The following FAM177A1 variants were observed in gnomAD, a reference collection of about 807,000 sequenced individuals.
FAM177A1 encodes family with sequence similarity 177 member A1.
A neutral mutation model predicts 26.1 loss-of-function variants in FAM177A1; 22 were observed. The observed-to-expected ratio is 0.84, with a 90% CI of 0.60 to 1.20. The LOEUF is 1.20. FAM177A1 is among the 50% of genes most tolerant of loss of function. The pLI, the probability that FAM177A1 is intolerant of heterozygous loss-of-function variation, is 0.00. For missense variants in FAM177A1, 296 were observed against 291.1 expected (o/e 1.02, Z -0.12); for synonymous variants, 95 against 99.3 (o/e 0.96, Z 0.26).
chr14:35,065,191 A>C (rs2045222442), intron 2 of FAM177A1, among the ~76,000 whole-genome samples: 1 of 146,588 alleles, frequency 6.8e-6, no homozygotes, highest in Non-Finnish European at 1.5e-5. Flanking sequence ...TTTTTTTTTG[A>C]GACGGAGTCT....
chr14:35,082,134 T>A lies in FAM177A1; in HGVS notation c.*906T>A, dbSNP rs940323536. ...TAGCAACAGTGAAGACTGGACAGTT[T>A]ACTTGAATCTGGTTGGCCACTCCTC... On this transcript the variant is annotated 3_prime_UTR_variant, in exon 5 of 5. Coordinates refer to ENST00000280987, the MANE Select transcript of FAM177A1 (RefSeq NM_173607.5). 3 of 152,200 alleles carry A rather than the reference T, an allele frequency of 2.0e-5. No individual in the cohort carries two copies. The highest frequency in any genetic ancestry group is 7.2e-5 in the African/African-American group (3 of 41,446). 9.4% of individuals were successfully genotyped at this position (152,200 alleles called of 1,614,324 possible). A position where few individuals can be genotyped will look rare whatever the true frequency, so the allele number is the denominator to read the frequency against.
intron 2 of FAM177A1, among the ~76,000 whole-genome samples, chr14:35,065,295 A>G (rs1160947502): frequency 6.7e-6 from 1 of 149,888 alleles, no homozygotes; most frequent in African/African-American, 2.5e-5. Context: ...AATAGAATAC[A>G]TTATGGTTTA....
chr14:35,051,150 C>T (rs954849969), intron 1 of FAM177A1, among the ~76,000 whole-genome samples: 14 of 152,092 alleles, frequency 9.2e-5, no homozygotes, highest in South Asian at 8.3e-4. Context: ...GATGGAGTCT[C>T]GCTGTGTGAC....
chr14:35,049,637 T>C (rs985492762), intron 1 of FAM177A1, among the ~76,000 whole-genome samples: 3 of 152,046 alleles, frequency 2.0e-5, no homozygotes, highest in Admixed American at 6.6e-5. Flanking sequence ...ATAGAAAAAT[T>C]AGCTGGGCAT....
chr14:35,055,258 G>A (rs1436480907), intron 2 of FAM177A1, among the ~76,000 whole-genome samples: 4 of 144,666 alleles, frequency 2.8e-5, no homozygotes, highest in East Asian at 4.0e-4. Context: ...AGCCGAGATC[G>A]TGCCATTGTA....
Position 35,046,356 on chromosome 14 carries a change from T to TC in FAM177A1, c.-104dup. On this transcript the variant is annotated 5_prime_UTR_variant, in exon 1 of 5. Transcript: ENST00000280987. ...TGGCCCCGCCCCTCAGGCCGGCGAG[T>TC]CCCCTTCTCAGAGACTTGGCTAGGC... 7.8e-7 allele frequency: 1 copy of TC among 1,283,718 alleles called. No individual in the cohort carries two copies. Among genetic ancestry groups the TC allele is most frequent in the Non-Finnish European group, 1.0e-6 (1 of 980,232 alleles). The allele number at this position is 1,283,718 out of a possible 1,614,324, so 79.5% of individuals were successfully genotyped here.
At chr14:35,052,176 T>C (rs1167630472) in intron 1 of FAM177A1, among the ~76,000 whole-genome samples, 1 of 152,184 alleles carries the variant, frequency 6.6e-6, no homozygotes, top group Non-Finnish European at 1.5e-5. Context: ...TAACCACTGT[T>C]GCCAGATTTT....
intron 3 of FAM177A1, among the ~76,000 whole-genome samples, chr14:35,077,591 G>A (rs8010838): frequency 2.0e-5 from 3 of 147,234 alleles, no homozygotes; most frequent in Non-Finnish European, 4.5e-5. Context: ...CACGCCATTC[G>A]CCTGCCTCAG....
At chr14:35,072,416 G>C (rs2045336562) in intron 2 of FAM177A1, among the ~76,000 whole-genome samples, 2 of 152,212 alleles carry the variant, frequency 1.3e-5, no homozygotes, top group African/African-American at 4.8e-5. Context: ...TGAGGAGGAA[G>C]AGGAGGGGTT....
intron 3 of FAM177A1, 107 bp from the exon 4 acceptor site, chr14:35,078,820 T>G: frequency 6.2e-5 from 43 of 692,014 alleles, no homozygotes; most frequent in Non-Finnish European, 8.4e-5. Context: ...ATAATCTCCT[T>G]GAGAGCAGGA....
Position 35,081,094 on chromosome 14 carries a change from A to T in FAM177A1, c.577A>T (p.Thr193Ser). ...ACAATATCAACAGAATAAATTGCAG[A>T]CTGATTCCATTGTTCAGACAGATCA... ...EKQYQQNKLQTDSIVQTDQPE... is the reference protein window; with the variant it reads ...EKQYQQNKLQSDSIVQTDQPE... Residue 193 changes from threonine to serine, a missense_variant, in exon 5 of 5, where the codon ACT becomes TCT. Thr to Ser is a moderately conservative substitution (Grantham distance 58). Coordinates refer to ENST00000280987, the MANE Select transcript of FAM177A1 (RefSeq NM_173607.5). 3 of 1,613,604 alleles carry T rather than the reference A, an allele frequency of 1.9e-6. No individual in the cohort carries two copies. Among genetic ancestry groups the T allele is most frequent in the Non-Finnish European group, 2.5e-6 (3 of 1,179,836 alleles).
At chr14:35,068,245 A>T (rs1371367371) in intron 2 of FAM177A1, among the ~76,000 whole-genome samples, 2 of 152,204 alleles carry the variant, frequency 1.3e-5, no homozygotes, top group Non-Finnish European at 2.9e-5. Context: ...ATGGTGGAGT[A>T]TGTTAACAGA....
At chr14:35,077,041 G>A in intron 2 of FAM177A1, 109 bp from the exon 3 acceptor site, 1 of 818,930 alleles carries the variant, frequency 1.2e-6, no homozygotes, top group African/African-American at 1.7e-5. Context: ...TTGTAGTACT[G>A]CCTATAGAAT....
At chr14:35,047,185 A>C in intron 1 of FAM177A1, 2 of 206,060 alleles carry the variant, frequency 9.7e-6, no homozygotes, top group Non-Finnish European at 1.7e-5. Flanking sequence ...GTAATTTAAA[A>C]TTTTCCAGTA....
In FAM177A1 at chr14:35,077,468, CTTTTTTTTTTTT is replaced by C. The variant is rs150813883; in HGVS notation, c.406+266_406+277del. On this transcript the variant is annotated intron_variant, in intron 3 of 4. Transcript: ENST00000280987. ...TTAGTTTAGATATGGTTTTCAAGTT[CTTTTTTTTTTTT>C]TTTTTTTTTTTTTGAGACGGAGTCT... Among the ~76,000 whole-genome samples, 317 of 79,544 alleles carry C rather than the reference CTTTTTTTTTTTT, an allele frequency of 4.0e-3. 2 individuals carry two copies. The highest frequency in any genetic ancestry group is 0.014 in the African/African-American group (300 of 21,082). 52.2% of individuals were successfully genotyped at this position (79,544 alleles called of 152,430 possible). A position where few individuals can be genotyped will look rare whatever the true frequency, so the allele number is the denominator to read the frequency against.
intron 2 of FAM177A1, among the ~76,000 whole-genome samples, chr14:35,067,926 C>T (rs939724442): frequency 6.6e-6 from 1 of 151,956 alleles, no homozygotes; most frequent in East Asian, 1.9e-4. Flanking sequence ...GGATATTAAC[C>T]CCTTATCAAA....
intron 2 of FAM177A1, among the ~76,000 whole-genome samples, chr14:35,061,769 TAA>T (rs11316188): frequency 6.8e-6 from 1 of 147,810 alleles, no homozygotes. Context: ...ATAATAATAT[TAA>T]AAAAAAAAGC....
chr14:35,046,618 C>A lies in FAM177A1; in HGVS notation c.155C>A (p.Ser52Tyr), dbSNP rs1270753763. 1.3e-6 allele frequency: 2 copies of A among 1,544,494 alleles called. No homozygotes were observed. The highest frequency in any genetic ancestry group is 2.0e-5 in the Admixed American group (1 of 50,018). ...GAAAAAAFGE[S>Y]AGQMSNERGF... ...GCGGCCGCCGCGGCATTCGGGGAAT[C>A]TGCAGGGCAGGTAGGTGGGGCCGCC... is the stretch of plus-strand genomic sequence containing the variant. Residue 52 changes from serine to tyrosine, a missense_variant, in exon 1 of 5, where the codon TCT becomes TAT. By Grantham distance (144) the Ser-to-Tyr change is moderately radical (BLOSUM62 -2). Coordinates refer to ENST00000280987, the MANE Select transcript of FAM177A1 (RefSeq NM_173607.5).
At chr14:35,062,942 C>A (rs1371016422) in intron 2 of FAM177A1, among the ~76,000 whole-genome samples, 5 of 132,634 alleles carry the variant, frequency 3.8e-5, no homozygotes, top group African/African-American at 5.5e-5. Context: ...AACCCCATAA[C>A]TTATTTTTTA....
Sources: gnomAD v4.1 joint callset for allele counts (sites outside exome capture counted in the v4.1 genomes callset) on GRCh38, gnomAD v4.1.1 for gene constraint, MANE v1.5 for transcripts, NCBI Gene and HGNC (gene_info 2026-07-23, HGNC 2026-07-21) for gene names.